The following SORCS3 variants were observed in gnomAD, a reference collection of about 807,000 sequenced individuals.
SORCS3 encodes the protein VPS10 domain-containing receptor SorCS3.
A neutral mutation model predicts 146.3 loss-of-function variants in SORCS3; 57 were observed. That is an observed-to-expected ratio of 0.39 (90% CI 0.31 to 0.49). The LOEUF (loss-of-function observed/expected upper bound fraction) is 0.49, where lower values mean the gene tolerates loss of function less well. Ranked by LOEUF, SORCS3 falls within the 20% of genes least tolerant of loss-of-function variation. The probability of loss-of-function intolerance (pLI) is 0.92; values close to 1 mark genes in which losing one functional copy is unlikely to be tolerated. For missense variants in SORCS3, 1,341 were observed against 1,575.5 expected, an observed-to-expected ratio of 0.85 and a Z score of 2.52; for synonymous variants, 653 against 618.5, an observed-to-expected ratio of 1.06 and a Z score of -0.83.
intron 5 of SORCS3, among the ~76,000 whole-genome samples, chr10:105,061,544 C>T (rs2055486582): frequency 6.6e-6 from 1 of 151,778 alleles, no homozygotes; most frequent in African/African-American, 2.4e-5. Context: ...ATCCACCTGC[C>T]TCGGCCCCCC....
chr10:105,233,965 ATTC>A (rs1241743862), intron 20 of SORCS3, among the ~76,000 whole-genome samples: 3 of 151,930 alleles, frequency 2.0e-5, no homozygotes, highest in Non-Finnish European at 4.4e-5. Flanking sequence ...GCCTTCATTT[ATTC>A]TTCTTCATTG....
intron 1 of SORCS3, among the ~76,000 whole-genome samples, chr10:104,736,835 G>A (rs894248500): frequency 1.0e-4 from 15 of 150,578 alleles, no homozygotes; most frequent in Non-Finnish European, 2.1e-4. Context: ...CAATGTGCAG[G>A]TTAGTTACAT....
At chr10:104,885,075 C>T (rs2018669062) in intron 2 of SORCS3, among the ~76,000 whole-genome samples, 1 of 152,158 alleles carries the variant, frequency 6.6e-6, no homozygotes, top group South Asian at 2.1e-4. Flanking sequence ...GTAGCAGGCA[C>T]CATGCCAGGA....
intron 1 of SORCS3, among the ~76,000 whole-genome samples, chr10:104,786,174 A>G (rs557846894): frequency 4.6e-5 from 7 of 151,648 alleles, no homozygotes; most frequent in Admixed American, 2.0e-4. Context: ...TAGTTTCTAT[A>G]TGTCAAGTTC....
At chr10:104,967,395 A>G (rs2054831823) in intron 3 of SORCS3, among the ~76,000 whole-genome samples, 1 of 152,206 alleles carries the variant, frequency 6.6e-6, no homozygotes, top group African/African-American at 2.4e-5. Flanking sequence ...ACAACATGAG[A>G]TTTACCCTCT....
At chr10:104,928,622 A>G (rs2019174857) in intron 3 of SORCS3, among the ~76,000 whole-genome samples, 1 of 152,070 alleles carries the variant, frequency 6.6e-6, no homozygotes, top group South Asian at 2.1e-4. Context: ...CCAAGGTCAG[A>G]ATGACAGACC....
intron 2 of SORCS3, among the ~76,000 whole-genome samples, chr10:104,877,208 TTCACCTAGTCCAG>T (rs1396710539): frequency 6.6e-6 from 1 of 152,084 alleles, no homozygotes; most frequent in Non-Finnish European, 1.5e-5. Flanking sequence ...TAACCCGTAT[TTCACCTAGTCCAG>T]TCACCATTAT....
chr10:104,673,877 CCTCCTTTAGCAGCTCTATCTT>C (rs2015884744), intron 1 of SORCS3, among the ~76,000 whole-genome samples: 1 of 152,192 alleles, frequency 6.6e-6, no homozygotes, highest in Non-Finnish European at 1.5e-5. Context: ...AAAAAACTCT[CCTCCTTTAGCAGCTCTATCTT>C]CACCCCTTTT....
chr10:105,080,514 T>A (rs189293649), intron 5 of SORCS3, among the ~76,000 whole-genome samples: 2 of 152,294 alleles, frequency 1.3e-5, no homozygotes, highest in Admixed American at 1.3e-4. Flanking sequence ...ATTGATAGAT[T>A]TTTTGCTGTG....
intron 1 of SORCS3, among the ~76,000 whole-genome samples, chr10:104,750,398 TG>T (rs1220028434): frequency 6.6e-6 from 1 of 152,212 alleles, no homozygotes; most frequent in Non-Finnish European, 1.5e-5. Flanking sequence ...GGAAAACTGA[TG>T]GGTTAATAAT....
rs2056293973 is a variant in SORCS3 at position 105,164,335 on chromosome 10, A to T, written c.1765A>T (p.Ile589Phe). The T allele has an allele frequency of 6.2e-7, 1 of 1,613,682 alleles. No individual in the cohort carries two copies. Among genetic ancestry groups the T allele is most frequent in the Non-Finnish European group, 8.5e-7 (1 of 1,179,714 alleles). ...NIGPELSYTDIGVFISSDGGN... is the reference protein window; with the variant it reads ...NIGPELSYTDFGVFISSDGGN... ...TGGCCCGGAGCTCTCATATACTGAT[A>T]TTGGTGTGTTCATCTCCTCCGATGG... Residue 589 changes from isoleucine to phenylalanine, a missense_variant, in exon 12 of 27, where the codon ATT becomes TTT. Transcript: ENST00000369701.
At chr10:104,675,943 T>A (rs1458339360) in intron 1 of SORCS3, among the ~76,000 whole-genome samples, 4 of 152,200 alleles carry the variant, frequency 2.6e-5, no homozygotes, top group African/African-American at 9.6e-5. Flanking sequence ...TCAGTAAGCT[T>A]GGGGAAGAGG....
At chr10:105,097,133 C>T (rs1437467097) in intron 6 of SORCS3, among the ~76,000 whole-genome samples, 1 of 152,156 alleles carries the variant, frequency 6.6e-6, no homozygotes, top group African/African-American at 2.4e-5. Flanking sequence ...ACGCTGACTC[C>T]AACACTCTGG....
intron 14 of SORCS3, among the ~76,000 whole-genome samples, chr10:105,181,037 G>A (rs1028947911): frequency 7.9e-5 from 12 of 152,124 alleles, no homozygotes; most frequent in South Asian, 4.1e-4. Context: ...ATGTGCACAC[G>A]TGCACAGACA....
intron 5 of SORCS3, among the ~76,000 whole-genome samples, chr10:105,061,704 A>G (rs778483049): frequency 2.3e-4 from 35 of 150,872 alleles, no homozygotes; most frequent in Non-Finnish European, 4.4e-4. Context: ...TCTCAGGAAC[A>G]CCACCACCTT....
intron 3 of SORCS3, among the ~76,000 whole-genome samples, chr10:104,936,328 A>G (rs1239669130): frequency 1.3e-5 from 2 of 152,172 alleles, no homozygotes; most frequent in Admixed American, 6.5e-5. Flanking sequence ...CTGGACTCCT[A>G]TAGTGTAGAA....
chr10:105,263,374 A>G lies in SORCS3; in HGVS notation c.3669A>G (p.Ter1223=). Residue 1223 remains the stop codon, a stop_retained_variant, in exon 27 of 27, where the codon TAA becomes TAG. Coordinates refer to ENST00000369701, the MANE Select transcript of SORCS3 (RefSeq NM_014978.3). The stretch of plus-strand genomic sequence containing the variant: ...AGATCCCCAACTGCACTAGTGTTTA[A>G]TACCAGCAAGCCACGTGGTCAACCA... ...TKEIPNCTSV[*] is the part of the protein sequence containing the mutation. The G allele has an allele frequency of 6.2e-7, 1 of 1,614,032 alleles. No homozygotes were observed. The highest frequency in any genetic ancestry group is 1.1e-5 in the South Asian group (1 of 91,080).
At chr10:104,824,439 A>C (rs958578050) in intron 1 of SORCS3, among the ~76,000 whole-genome samples, 1 of 152,158 alleles carries the variant, frequency 6.6e-6, no homozygotes, top group Non-Finnish European at 1.5e-5. Context: ...TCTCATCCCT[A>C]CATCCCCTTA....
intron 3 of SORCS3, among the ~76,000 whole-genome samples, chr10:104,954,905 A>G (rs2019470956): frequency 6.6e-6 from 1 of 152,326 alleles, no homozygotes; most frequent in South Asian, 2.1e-4. Context: ...GTTTTTCTGG[A>G]TAAGTGAGAA....
Sources: allele counts gnomAD v4.1 joint callset (sites outside exome capture counted in the v4.1 genomes callset), GRCh38; gene constraint gnomAD v4.1.1; transcripts MANE v1.5; gene names NCBI Gene and HGNC (gene_info 2026-07-23, HGNC 2026-07-21).